The following PARD3 variants were observed in gnomAD, a reference collection of about 807,000 sequenced individuals.
PARD3 encodes the protein par-3 family cell polarity regulator.
In PARD3, 75 loss-of-function variants were observed where a neutral mutation model predicts 155.4. The observed-to-expected ratio is 0.48, with a 90% CI of 0.40 to 0.58. The LOEUF (loss-of-function observed/expected upper bound fraction) is 0.58. Ranked by LOEUF, PARD3 falls within the 20% of genes least tolerant of loss-of-function variation. The pLI is 0.00. For synonymous variants in PARD3, 576 were observed against 610.5 expected (o/e 0.94, Z 0.83); for missense variants, 1,642 against 1,721.7 (o/e 0.95, Z 0.82).
At chr10:34,237,740 T>A (rs547500706) in intron 22 of PARD3, among the ~76,000 whole-genome samples, 1 of 152,300 alleles carries the variant, frequency 6.6e-6, no homozygotes, top group Admixed American at 6.5e-5. Context: ...ATTGTTAAAA[T>A]AATAAAGCTC....
chr10:34,814,207 T>C (rs1443392193), intron 1 of PARD3, among the ~76,000 whole-genome samples: 1 of 151,858 alleles, frequency 6.6e-6, no homozygotes, highest in Non-Finnish European at 1.5e-5. Flanking sequence ...CGCAAGCGAG[T>C]GCCAAGTGCC....
intron 2 of PARD3, among the ~76,000 whole-genome samples, chr10:34,567,581 C>T (rs2086060283): frequency 6.6e-6 from 1 of 152,194 alleles, no homozygotes. Context: ...CAACCACTCA[C>T]GGGTTAAATT....
chr10:34,812,234 C>A (rs927420950), intron 1 of PARD3, among the ~76,000 whole-genome samples: 3 of 152,146 alleles, frequency 2.0e-5, no homozygotes, highest in Non-Finnish European at 4.4e-5. Context: ...AGAGTTGGGA[C>A]CTTTCTCTTT....
chr10:34,490,575 G>C (rs935917994), intron 3 of PARD3, among the ~76,000 whole-genome samples: 6 of 152,174 alleles, frequency 3.9e-5, no homozygotes, highest in Admixed American at 1.3e-4. Flanking sequence ...TTACAGGCAT[G>C]AGCCACCACG....
chr10:34,759,955 G>A (rs955173425), intron 1 of PARD3, among the ~76,000 whole-genome samples: 4 of 152,216 alleles, frequency 2.6e-5, no homozygotes, highest in African/African-American at 4.8e-5. Context: ...GTTTTGGGGA[G>A]TGGAATTCCT....
chr10:34,476,416 C>T (rs967616426), intron 3 of PARD3, among the ~76,000 whole-genome samples: 1 of 152,198 alleles, frequency 6.6e-6, no homozygotes. Flanking sequence ...GATGTCAACT[C>T]GGTGAACAAC....
At chr10:34,156,776 C>A (rs1451316567) in intron 22 of PARD3, among the ~76,000 whole-genome samples, 1 of 152,108 alleles carries the variant, frequency 6.6e-6, no homozygotes, top group Non-Finnish European at 1.5e-5. Context: ...CTCATGAGAC[C>A]AAACGACTGC....
chr10:34,364,388 T>C (rs897756584), intron 12 of PARD3, among the ~76,000 whole-genome samples: 1 of 152,106 alleles, frequency 6.6e-6, no homozygotes, highest in African/African-American at 2.4e-5. Flanking sequence ...CCACTATAAA[T>C]CATTAATTTC....
intron 22 of PARD3, among the ~76,000 whole-genome samples, chr10:34,232,242 A>T (rs1468495655): frequency 1.3e-5 from 2 of 152,068 alleles, no homozygotes; most frequent in African/African-American, 4.8e-5. Flanking sequence ...AACTCACAAA[A>T]TGTTTCTTCC....
At chr10:34,509,427 G>A (rs2081276524) in intron 3 of PARD3, among the ~76,000 whole-genome samples, 2 of 152,126 alleles carry the variant, frequency 1.3e-5, no homozygotes, top group African/African-American at 4.8e-5. Flanking sequence ...TGTCCATGAG[G>A]CAGTGTCCAG....
chr10:34,621,470 G>A lies in PARD3; in HGVS notation c.222+74848C>T, dbSNP rs373261598. 2.0e-5 allele frequency among the ~76,000 whole-genome samples: 3 copies of A among 152,080 alleles called. No individual in the cohort carries two copies. The East Asian group carries it at 5.8e-4, about 29-fold the overall frequency. Reference sequence around the variant, plus strand: ...CGCTCGGCCTCCCAAGGTGCCGGTTGTACAGGCAAGCCACCGCGCCCGGCC... The same window carrying A: ...CGCTCGGCCTCCCAAGGTGCCGGTTATACAGGCAAGCCACCGCGCCCGGCC... On this transcript the variant is annotated intron_variant, in intron 2 of 24. Coordinates refer to ENST00000374788, the MANE Select transcript of PARD3 (RefSeq NM_001184785.2).
intron 2 of PARD3, among the ~76,000 whole-genome samples, chr10:34,544,200 G>A (rs1274127525): frequency 6.6e-6 from 1 of 152,092 alleles, no homozygotes; most frequent in Admixed American, 6.5e-5. Context: ...ATGTTTAAGT[G>A]AATAAAATTC....
intron 8 of PARD3, among the ~76,000 whole-genome samples, chr10:34,383,506 G>A (rs1842058799): frequency 6.6e-6 from 1 of 152,088 alleles, no homozygotes; most frequent in South Asian, 2.1e-4. Context: ...AATTCAAAAT[G>A]TTGACAGCTG....
chr10:34,255,455 G>A (rs913812154), intron 22 of PARD3, among the ~76,000 whole-genome samples: 1 of 152,160 alleles, frequency 6.6e-6, no homozygotes, highest in Non-Finnish European at 1.5e-5. Flanking sequence ...TGCCTTCTAA[G>A]TACCTGATAC....
intron 5 of PARD3, among the ~76,000 whole-genome samples, chr10:34,406,331 AT>A (rs1844472642): frequency 6.6e-6 from 1 of 152,212 alleles, no homozygotes; most frequent in Non-Finnish European, 1.5e-5. Context: ...ACTTTCTTAT[AT>A]AAAGCTCTTT....
rs1564520190 is a variant in PARD3 at position 34,697,056 on chromosome 10, C to CACA, written c.121-638_121-637insTGT. ...CGTAAACACACACACACACACACAC[C>CACA]CCCCTCAAAATTTGCAGTGGTTATC... is the stretch of plus-strand genomic sequence containing the variant. On this transcript the variant is annotated intron_variant, in intron 1 of 24. Coordinates refer to ENST00000374788, the MANE Select transcript of PARD3 (RefSeq NM_001184785.2). Among the ~76,000 whole-genome samples, 252 of 148,058 alleles carry CACA rather than the reference C, an allele frequency of 1.7e-3. 1 individual carries two copies. Among genetic ancestry groups the CACA allele is most frequent in the African/African-American group, 5.2e-3 (203 of 38,830 alleles).
intron 2 of PARD3, among the ~76,000 whole-genome samples, chr10:34,544,511 A>G (rs1289604968): frequency 2.6e-5 from 4 of 152,186 alleles, no homozygotes; most frequent in African/African-American, 9.7e-5. Context: ...GCTCAAAATA[A>G]CACCTGCCTT....
chr10:34,519,005 T>C (rs1473455135), intron 2 of PARD3, among the ~76,000 whole-genome samples: 1 of 152,188 alleles, frequency 6.6e-6, no homozygotes, highest in African/African-American at 2.4e-5. Flanking sequence ...ACTTTTGTGG[T>C]ATTCTTGCCA....
chr10:34,785,566 C>T (rs957438879), intron 1 of PARD3, among the ~76,000 whole-genome samples: 2 of 151,912 alleles, frequency 1.3e-5, no homozygotes, highest in African/African-American at 4.8e-5. Flanking sequence ...GGTAACACGG[C>T]GAGACCATGT....
Sources: allele counts gnomAD v4.1 joint callset (sites outside exome capture counted in the v4.1 genomes callset), GRCh38; gene constraint gnomAD v4.1.1; transcripts MANE v1.5; gene names NCBI Gene and HGNC (gene_info 2026-07-23, HGNC 2026-07-21).